The following SLC16A7 variants were observed in gnomAD, a reference collection of about 807,000 sequenced individuals.
SLC16A7 encodes the protein solute carrier family 16 member 7, also known as monocarboxylate transporter 2.
In SLC16A7, 33 loss-of-function variants were observed where a neutral mutation model predicts 34.9. That is an observed-to-expected ratio of 0.94 (90% confidence interval 0.72 to 1.26). The LOEUF (loss-of-function observed/expected upper bound fraction) is 1.26, where lower values mean the gene tolerates loss of function less well. SLC16A7 is among the 50% of genes most tolerant of loss of function. The probability of loss-of-function intolerance (pLI) is 0.00; values close to 1 mark genes in which losing one functional copy is unlikely to be tolerated. For synonymous variants in SLC16A7, 201 were observed against 206.6 expected, an observed-to-expected ratio of 0.97 and a Z score of 0.23; for missense variants, 573 against 578.1, an observed-to-expected ratio of 0.99 and a Z score of 0.09.
At chr12:59,768,545 T>G (rs1034557217) in intron 3 of SLC16A7, among the ~76,000 whole-genome samples, 3 of 152,182 alleles carry the variant, frequency 2.0e-5, no homozygotes, top group Non-Finnish European at 4.4e-5. Flanking sequence ...GTACATAAAC[T>G]TAGTTGATAA....
chr12:59,775,531 G>C, intron 5 of SLC16A7, 56 bp downstream of exon 5: 2 of 1,293,592 alleles, frequency 1.5e-6, no homozygotes, highest in Non-Finnish European at 2.2e-6. Flanking sequence ...ATCCATTAAC[G>C]GAGACTTTAT....
intron 2 of SLC16A7, among the ~76,000 whole-genome samples, chr12:59,693,678 G>A (rs1871933802): frequency 6.6e-6 from 1 of 151,888 alleles, no homozygotes; most frequent in African/African-American, 2.4e-5. Context: ...TTGAAGGATA[G>A]TTGTAGTTTT....
chr12:59,744,777 G>A (rs1266790798), intron 3 of SLC16A7, among the ~76,000 whole-genome samples: 1 of 152,186 alleles, frequency 6.6e-6, no homozygotes, highest in Non-Finnish European at 1.5e-5. Flanking sequence ...AGACACTGCT[G>A]CAGGGCCCTG....
chr12:59,638,883 T>C (rs1205864343), intron 1 of SLC16A7, among the ~76,000 whole-genome samples: 1 of 152,174 alleles, frequency 6.6e-6, no homozygotes, highest in Admixed American at 6.5e-5. Flanking sequence ...AAACATTAAG[T>C]TTTAATTTAA....
intron 2 of SLC16A7, among the ~76,000 whole-genome samples, chr12:59,674,199 A>G (rs374842123): frequency 6.6e-6 from 1 of 152,198 alleles, no homozygotes; most frequent in Non-Finnish European, 1.5e-5. Flanking sequence ...TCCATTTTTA[A>G]GGATTCAGAT....
At chr12:59,679,479 A>G (rs1232301869) in intron 2 of SLC16A7, among the ~76,000 whole-genome samples, 2 of 152,184 alleles carry the variant, frequency 1.3e-5, no homozygotes, top group African/African-American at 4.8e-5. Context: ...TCATTCTTCA[A>G]GGCAGTTCAA....
intron 1 of SLC16A7, among the ~76,000 whole-genome samples, chr12:59,643,480 C>T (rs200128899): frequency 1.3e-5 from 2 of 152,022 alleles, no homozygotes; most frequent in East Asian, 3.9e-4. Context: ...GCATATGTAA[C>T]ATATCCATAT....
chr12:59,608,503 A>G (rs17122689), intron 1 of SLC16A7, among the ~76,000 whole-genome samples: 7,520 of 152,286 alleles, frequency 0.049, 216 homozygotes, highest in Middle Eastern at 0.11. Flanking sequence ...GCCACAGATA[A>G]TCTAAGAAAA....
At chr12:59,744,516 C>T (rs12231311) in intron 3 of SLC16A7, among the ~76,000 whole-genome samples, 32,706 of 151,994 alleles carry the variant, frequency 0.22, 3,645 homozygotes, top group East Asian at 0.31. Context: ...CCATATTCAC[C>T]AACCCTCAAT....
At chr12:59,752,174 T>G (rs1057004762) in intron 3 of SLC16A7, among the ~76,000 whole-genome samples, 1 of 151,826 alleles carries the variant, frequency 6.6e-6, no homozygotes, top group Non-Finnish European at 1.5e-5. Context: ...GCAGAAAAAC[T>G]GGAAACTCTA....
chr12:59,656,387 A>G (rs1565633322), intron 2 of SLC16A7, among the ~76,000 whole-genome samples: 1 of 151,990 alleles, frequency 6.6e-6, no homozygotes, highest in East Asian at 1.9e-4. Flanking sequence ...ATCCTTATAA[A>G]TGAAAGAGAG....
At chr12:59,710,422 C>T (rs759332814) in intron 3 of SLC16A7, among the ~76,000 whole-genome samples, 3 of 152,146 alleles carry the variant, frequency 2.0e-5, no homozygotes, top group Non-Finnish European at 4.4e-5. Flanking sequence ...CTGTGTGTCT[C>T]TTCCAAAACA....
At chr12:59,739,746 T>G (rs1273299024) in intron 3 of SLC16A7, among the ~76,000 whole-genome samples, 2 of 152,180 alleles carry the variant, frequency 1.3e-5, no homozygotes, top group Admixed American at 6.5e-5. Context: ...CTAACTGGTG[T>G]GAGATGGTAT....
At chr12:59,774,447 A>T (rs1000004014) in intron 4 of SLC16A7, among the ~76,000 whole-genome samples, 1 of 152,218 alleles carries the variant, frequency 6.6e-6, no homozygotes, top group Non-Finnish European at 1.5e-5. Context: ...TAAAGGAATT[A>T]AACTTGAAAT....
In SLC16A7 at chr12:59,780,202, CA is replaced by C. The variant is rs771437497; in HGVS notation, c.*534del. On this transcript the variant is annotated 3_prime_UTR_variant, in exon 6 of 6. Coordinates refer to ENST00000547379, the MANE Select transcript of SLC16A7 (RefSeq NM_001270623.2). Reference sequence around the variant, plus strand: ...GTATCTGGAGAATAAAACCCAAATTCAAAAAAAAAAATGATAATTTATTTTT... The same window carrying C: ...GTATCTGGAGAATAAAACCCAAATTCAAAAAAAAAATGATAATTTATTTTT... 6.9e-3 allele frequency: 964 copies of C among 140,286 alleles called. 7 individuals are homozygous for C. The highest frequency in any genetic ancestry group is 0.038 in the South Asian group (170 of 4,428). 8.7% of individuals were successfully genotyped at this position (140,286 alleles called of 1,614,324 possible). A position where few individuals can be genotyped will look rare whatever the true frequency, so the allele number is the denominator to read the frequency against.
At chr12:59,644,504 C>T (rs1434456671) in intron 1 of SLC16A7, among the ~76,000 whole-genome samples, 1 of 152,110 alleles carries the variant, frequency 6.6e-6, no homozygotes, top group Non-Finnish European at 1.5e-5. Context: ...GAGGTGGAAA[C>T]TGCAGTAAGC....
At chr12:59,616,731 T>C (rs1473050133) in intron 1 of SLC16A7, among the ~76,000 whole-genome samples, 2 of 152,176 alleles carry the variant, frequency 1.3e-5, no homozygotes, top group Middle Eastern at 3.2e-3. Context: ...GTATAGGTCA[T>C]GGAAATTAAA....
intron 1 of SLC16A7, among the ~76,000 whole-genome samples, chr12:59,625,016 T>C (rs17561431): frequency 0.04 from 6,092 of 151,846 alleles, 164 homozygotes; most frequent in Non-Finnish European, 0.061. Flanking sequence ...GTTTCCCCTT[T>C]CAGTTAGTTT....
intron 3 of SLC16A7, among the ~76,000 whole-genome samples, chr12:59,760,518 G>A (rs1267716746): frequency 6.6e-6 from 1 of 152,020 alleles, no homozygotes; most frequent in Non-Finnish European, 1.5e-5. Context: ...GGCACAAGAA[G>A]AGATTAACAA....
Sources: allele counts gnomAD v4.1 joint callset (sites outside exome capture counted in the v4.1 genomes callset), GRCh38; gene constraint gnomAD v4.1.1; transcripts MANE v1.5; gene names NCBI Gene and HGNC (gene_info 2026-07-23, HGNC 2026-07-21).